PPP1R9A: variants seen among roughly 807,000 people sequenced by gnomAD.
PPP1R9A encodes neurabin-1.
A neutral mutation model predicts 141.9 loss-of-function variants in PPP1R9A; 59 were observed. That is an observed-to-expected ratio of 0.42 (90% CI 0.34 to 0.52). The LOEUF (loss-of-function observed/expected upper bound fraction) is 0.52, where lower values mean the gene tolerates loss of function less well. Ranked by LOEUF, PPP1R9A falls within the 20% of genes least tolerant of loss-of-function variation. The probability of loss-of-function intolerance (pLI) is 0.10; values close to 1 mark genes in which losing one functional copy is unlikely to be tolerated. For synonymous variants in PPP1R9A, 500 were observed against 569.7 expected (o/e 0.88, Z 1.74); for missense variants, 1,444 against 1,611.9 (o/e 0.90, Z 1.78).
chr7:95,039,951 A>C (rs1333218190), intron 2 of PPP1R9A, among the ~76,000 whole-genome samples: 3 of 152,158 alleles, frequency 2.0e-5, no homozygotes, highest in Non-Finnish European at 4.4e-5. Context: ...ACAAACAAAA[A>C]CCAAATACCA....
chr7:95,191,982 G>A (rs1488442593), intron 5 of PPP1R9A, among the ~76,000 whole-genome samples: 4 of 151,956 alleles, frequency 2.6e-5, no homozygotes, highest in South Asian at 2.1e-4. Context: ...CACATATTTA[G>A]GACTGATTAT....
chr7:95,241,807 A>C (rs779383603), intron 8 of PPP1R9A, among the ~76,000 whole-genome samples: 13 of 152,168 alleles, frequency 8.5e-5, no homozygotes, highest in Non-Finnish European at 1.3e-4. Flanking sequence ...TCTTTATGGA[A>C]GTTTCCACTA....
At chr7:94,919,025 G>C (rs1393885241) in intron 2 of PPP1R9A, among the ~76,000 whole-genome samples, 1 of 152,216 alleles carries the variant, frequency 6.6e-6, no homozygotes, top group East Asian at 1.9e-4. Flanking sequence ...GGTTTATGTG[G>C]CTGAGAGGAT....
chr7:94,920,911 C>T lies in PPP1R9A; in HGVS notation c.1395+9403C>T, dbSNP rs17166524. Among the ~76,000 whole-genome samples the T allele has an allele frequency of 2.4e-3, 363 of 152,268 alleles. 1 individual carries two copies. Among genetic ancestry groups the T allele is most frequent in the African/African-American group, 8.4e-3 (351 of 41,554 alleles). On this transcript the variant is annotated intron_variant, in intron 2 of 19. Coordinates refer to ENST00000433360, the MANE Select transcript of PPP1R9A (RefSeq NM_001166160.2). The stretch of plus-strand genomic sequence containing the variant: ...GCTGTATAGTAAGATGGTCTTTTCT[C>T]TTTTATTCACCTCGGATTTCTCCTC...
At chr7:94,919,758 A>G (rs1056003158) in intron 2 of PPP1R9A, among the ~76,000 whole-genome samples, 29 of 152,152 alleles carry the variant, frequency 1.9e-4, no homozygotes, top group African/African-American at 7.0e-4. Flanking sequence ...TTAGTTTACT[A>G]TGTATTGTCT....
intron 2 of PPP1R9A, among the ~76,000 whole-genome samples, chr7:94,988,900 T>C (rs566101130): frequency 2.6e-5 from 4 of 152,158 alleles, no homozygotes; most frequent in African/African-American, 9.6e-5. Flanking sequence ...AAAATTTGCA[T>C]TAAATCTTTT....
rs544898691 is a variant in PPP1R9A, at chr7:95,082,109, G to A, written c.1396-29150G>A. On this transcript the variant is annotated intron_variant, in intron 2 of 19. Coordinates refer to ENST00000433360, the MANE Select transcript of PPP1R9A (RefSeq NM_001166160.2). ...ATTTGACCTGACTCAGTGCTAACAC[G>A]TTGTTTTTTTGGGGCGAGGTGTGAA... Among the ~76,000 whole-genome samples, 10 of 152,236 alleles carry A rather than the reference G, an allele frequency of 6.6e-5. No homozygotes were observed. The East Asian group carries it at 1.2e-3, about 18-fold the overall frequency.
intron 2 of PPP1R9A, among the ~76,000 whole-genome samples, chr7:95,007,125 G>T (rs757860443): frequency 1.3e-5 from 2 of 152,188 alleles, no homozygotes; most frequent in Non-Finnish European, 2.9e-5. Flanking sequence ...GCCTCCCAAA[G>T]TGCTGGGATT....
Position 95,090,993 on chromosome 7 carries a change from C to G in PPP1R9A, c.1396-20266C>G, listed in dbSNP as rs1406310022. ...CTTATAGAGCATGATTTTTAGGATACATCTATAAGAATCAGTATATTCCAT... is the reference window on the plus strand; with the variant it reads ...CTTATAGAGCATGATTTTTAGGATAGATCTATAAGAATCAGTATATTCCAT... On this transcript the variant is annotated intron_variant, in intron 2 of 19. Coordinates refer to ENST00000433360, the MANE Select transcript of PPP1R9A (RefSeq NM_001166160.2). 3.3e-5 allele frequency among the ~76,000 whole-genome samples: 5 copies of G among 152,048 alleles called. No homozygotes were observed. The East Asian group carries it at 9.7e-4, about 29-fold the overall frequency.
chr7:95,091,337 CTTTTTTTTTT>C (rs555627706), intron 2 of PPP1R9A, among the ~76,000 whole-genome samples: 6 of 75,988 alleles, frequency 7.9e-5, no homozygotes, highest in East Asian at 3.2e-4. Context: ...TGTTTTAACT[CTTTTTTTTTT>C]TTTTTTTTTT....
intron 2 of PPP1R9A, among the ~76,000 whole-genome samples, chr7:94,920,533 T>A (rs1330694264): frequency 6.6e-6 from 1 of 152,216 alleles, no homozygotes; most frequent in Admixed American, 6.5e-5. Context: ...TTGGTATTTT[T>A]AAAAAGTATT....
chr7:95,208,677 TCACA>T (rs1268624817), intron 7 of PPP1R9A, among the ~76,000 whole-genome samples: 1 of 150,736 alleles, frequency 6.6e-6, no homozygotes, highest in African/African-American at 2.4e-5. Context: ...TGAGCCGAGA[TCACA>T]CCACGGCACT....
intron 2 of PPP1R9A, among the ~76,000 whole-genome samples, chr7:95,045,642 C>T (rs1809906310): frequency 1.3e-5 from 2 of 152,208 alleles, no homozygotes; most frequent in Non-Finnish European, 2.9e-5. Flanking sequence ...GAAATTGCCT[C>T]TTTTTGGCGC....
chr7:95,229,656 C>G (rs962928048), intron 8 of PPP1R9A, among the ~76,000 whole-genome samples: 19 of 152,124 alleles, frequency 1.2e-4, no homozygotes, highest in Non-Finnish European at 2.9e-5. Flanking sequence ...TCCTGTCCCT[C>G]CCCCAACCTG....
intron 8 of PPP1R9A, among the ~76,000 whole-genome samples, chr7:95,230,169 C>T (rs1351649259): frequency 1.3e-5 from 2 of 152,106 alleles, no homozygotes; most frequent in Non-Finnish European, 2.9e-5. Flanking sequence ...AACAGTAGCC[C>T]TTGAATCCCA....
chr7:95,253,517 T>C (rs1014106984), intron 12 of PPP1R9A, among the ~76,000 whole-genome samples: 12 of 151,456 alleles, frequency 7.9e-5, no homozygotes, highest in South Asian at 2.1e-4. Flanking sequence ...AATTTATAAA[T>C]AGTGCCTCTT....
At chr7:94,953,171 C>G (rs1458276094) in intron 2 of PPP1R9A, among the ~76,000 whole-genome samples, 2 of 152,126 alleles carry the variant, frequency 1.3e-5, no homozygotes, top group Non-Finnish European at 2.9e-5. Context: ...CAGTTTTCTG[C>G]TTATGGCTAG....
At chr7:94,959,255 A>G (rs1354396468) in intron 2 of PPP1R9A, among the ~76,000 whole-genome samples, 1 of 151,808 alleles carries the variant, frequency 6.6e-6, no homozygotes, top group Non-Finnish European at 1.5e-5. Context: ...CTGTCATTAA[A>G]TTTGCTTTAT....
At chr7:95,251,203 A>G (rs139142432) in intron 10 of PPP1R9A, among the ~76,000 whole-genome samples, 42 of 152,272 alleles carry the variant, frequency 2.8e-4, no homozygotes, top group African/African-American at 9.9e-4. Context: ...ATTTTATAGT[A>G]AATTTTGCTA....
Sources: allele counts gnomAD v4.1 joint callset (sites outside exome capture counted in the v4.1 genomes callset), GRCh38; gene constraint gnomAD v4.1.1; transcripts MANE v1.5; gene names NCBI Gene and HGNC (gene_info 2026-07-23, HGNC 2026-07-21).